The following CLSTN2 variants were observed in gnomAD, a reference collection of about 807,000 sequenced individuals.
CLSTN2 encodes calsyntenin-2.
In CLSTN2, 48 loss-of-function variants were observed where a neutral mutation model predicts 101.2. That is an observed-to-expected ratio of 0.47 (90% confidence interval 0.38 to 0.60). CLSTN2 has a LOEUF of 0.60. Ranked by LOEUF, CLSTN2 falls within the 20% of genes least tolerant of loss-of-function variation. The pLI, the probability that CLSTN2 is intolerant of heterozygous loss-of-function variation, is 0.00. For missense variants in CLSTN2, 1,160 were observed against 1,238.2 expected, an observed-to-expected ratio of 0.94 and a Z score of 0.95; for synonymous variants, 481 against 463.6, an observed-to-expected ratio of 1.04 and a Z score of -0.48.
chr3:140,337,459 A>G (rs979881932), intron 2 of CLSTN2, among the ~76,000 whole-genome samples: 2 of 152,136 alleles, frequency 1.3e-5, no homozygotes, highest in African/African-American at 2.4e-5. Context: ...CACCAGTTAT[A>G]TTGGAATAGG....
chr3:140,050,982 GAAC>G (rs2007979236), intron 1 of CLSTN2, among the ~76,000 whole-genome samples: 1 of 152,184 alleles, frequency 6.6e-6, no homozygotes, highest in African/African-American at 2.4e-5. Context: ...CACAGCTTTT[GAAC>G]AACAAAAGAA....
At chr3:140,524,066 G>C (rs921424797) in intron 8 of CLSTN2, among the ~76,000 whole-genome samples, 7 of 152,196 alleles carry the variant, frequency 4.6e-5, no homozygotes, top group Non-Finnish European at 8.8e-5. Context: ...TCAGAACTGT[G>C]CAGTAAAGGA....
intron 1 of CLSTN2, among the ~76,000 whole-genome samples, chr3:140,138,775 G>T (rs769348893): frequency 2.6e-5 from 4 of 152,184 alleles, no homozygotes; most frequent in Admixed American, 6.5e-5. Context: ...AAAAGAGGGA[G>T]AAATGTACAA....
At chr3:140,030,232 T>C (rs1031380255) in intron 1 of CLSTN2, among the ~76,000 whole-genome samples, 5 of 152,126 alleles carry the variant, frequency 3.3e-5, no homozygotes, top group Non-Finnish European at 7.3e-5. Flanking sequence ...ACAACATCCT[T>C]TGCAATCCTG....
rs1171027410 is a variant in CLSTN2, at chr3:140,567,332, T to C, written c.*1079T>C. The C allele has an allele frequency of 6.6e-6, 1 of 152,196 alleles. No individual in the cohort carries two copies. The highest frequency in any genetic ancestry group is 2.4e-5 in the African/African-American group (1 of 41,440). The allele number at this position is 152,196 out of a possible 1,614,324, so 9.4% of individuals were successfully genotyped here. A position where few individuals can be genotyped will look rare whatever the true frequency, so the allele number is the denominator to read the frequency against. On this transcript the variant is annotated 3_prime_UTR_variant, in exon 17 of 17. Transcript: ENST00000458420. ...AGAAAATACACGCTTTCTGCATGTA[T>C]TAGAAACGCACGAGCTCCACCAAGT...
At chr3:140,117,696 T>A (rs1208039887) in intron 1 of CLSTN2, among the ~76,000 whole-genome samples, 1 of 152,174 alleles carries the variant, frequency 6.6e-6, no homozygotes, top group Non-Finnish European at 1.5e-5. Flanking sequence ...TCCAGGAACT[T>A]TCATAGCCAC....
At chr3:140,046,900 C>T (rs2007892897) in intron 1 of CLSTN2, among the ~76,000 whole-genome samples, 1 of 152,118 alleles carries the variant, frequency 6.6e-6, no homozygotes, top group Non-Finnish European at 1.5e-5. Flanking sequence ...TTTCTGCATC[C>T]CTGCCACTTT....
At chr3:140,189,835 T>G (rs1377119831) in intron 2 of CLSTN2, among the ~76,000 whole-genome samples, 1 of 152,130 alleles carries the variant, frequency 6.6e-6, no homozygotes, top group Non-Finnish European at 1.5e-5. Flanking sequence ...AATTGCACCT[T>G]GGTCAAAAAT....
At chr3:140,290,454 C>G (rs1002329866) in intron 2 of CLSTN2, among the ~76,000 whole-genome samples, 3 of 152,088 alleles carry the variant, frequency 2.0e-5, no homozygotes, top group Admixed American at 2.0e-4. Flanking sequence ...CAATGCATGC[C>G]TCTTAGATGG....
chr3:140,456,766 G>C (rs928995169), intron 6 of CLSTN2, among the ~76,000 whole-genome samples: 2 of 151,760 alleles, frequency 1.3e-5, no homozygotes. Flanking sequence ...TAGCCTGGGC[G>C]AGAGCAAGAG....
At chr3:140,206,201 C>A (rs1029795194) in intron 2 of CLSTN2, among the ~76,000 whole-genome samples, 3 of 152,192 alleles carry the variant, frequency 2.0e-5, no homozygotes, top group African/African-American at 7.2e-5. Flanking sequence ...TTATCTGGCA[C>A]TGGAGTCAAG....
intron 8 of CLSTN2, among the ~76,000 whole-genome samples, chr3:140,493,248 A>G (rs1052255236): frequency 3.3e-5 from 5 of 152,146 alleles, no homozygotes; most frequent in Non-Finnish European, 7.4e-5. Flanking sequence ...GTGATTTGCC[A>G]TTTAGAGGTT....
intron 2 of CLSTN2, among the ~76,000 whole-genome samples, chr3:140,271,072 G>T (rs545723738): frequency 6.6e-6 from 1 of 152,220 alleles, no homozygotes; most frequent in East Asian, 1.9e-4. Flanking sequence ...CCTTCCCGGG[G>T]AGCCACATAA....
chr3:139,937,020 G>A (rs1935033699), intron 1 of CLSTN2, among the ~76,000 whole-genome samples: 1 of 111,152 alleles, frequency 9.0e-6, no homozygotes, highest in South Asian at 2.9e-4. Flanking sequence ...GTGAAGACAA[G>A]AATAAAAAAC....
chr3:140,291,891 C>T (rs1691185016), intron 2 of CLSTN2, among the ~76,000 whole-genome samples: 1 of 152,006 alleles, frequency 6.6e-6, no homozygotes, highest in Admixed American at 6.6e-5. Context: ...CGCTTGAAAA[C>T]TTGTCTCAAA....
At chr3:140,354,568 C>T (rs75975225) in intron 2 of CLSTN2, among the ~76,000 whole-genome samples, 2,728 of 152,236 alleles carry the variant, frequency 0.018, 72 homozygotes, top group African/African-American at 0.062. Context: ...TCCCCAACTC[C>T]CCTCCATAGG....
At chr3:140,335,046 C>T (rs553802386) in intron 2 of CLSTN2, among the ~76,000 whole-genome samples, 81 of 152,302 alleles carry the variant, frequency 5.3e-4, no homozygotes, top group African/African-American at 1.8e-3. Flanking sequence ...TTTAAGGGAG[C>T]GACTGGATCC....
At position 140,571,378 on chromosome 3, in the gene CLSTN2, CA is replaced by C. The variant is rs1218340243; in HGVS notation, c.*5126del. The C allele has an allele frequency of 6.6e-6, 1 of 152,118 alleles. No individual in the cohort carries two copies. 9.4% of individuals were successfully genotyped at this position (152,118 alleles called of 1,614,324 possible). ...ACAACTTTTTTTTTAATCATCCCCA[CA>C]TTTAAATTAACCAAATAGTTTTTAC... On this transcript the variant is annotated 3_prime_UTR_variant, in exon 17 of 17. Transcript: ENST00000458420.
Position 140,175,984 on chromosome 3 carries a change from A to G in CLSTN2, c.143A>G (p.Tyr48Cys). 1 of 1,612,796 alleles carries G rather than the reference A, an allele frequency of 6.2e-7. No homozygotes were observed. The highest frequency in any genetic ancestry group is 8.5e-7 in the Non-Finnish European group (1 of 1,178,914). Residue 48 changes from tyrosine to cysteine, a missense_variant, in exon 2 of 17, where the codon TAT (tyrosine) becomes TGT (cysteine). Transcript: ENST00000458420. ...NKHKPWIETSYHGVITENNDT... is the reference protein window; with the variant it reads ...NKHKPWIETSCHGVITENNDT... ...CACAAGCCATGGATCGAGACTTCATATCATGGAGTCATAACTGAGAACAAT... is the reference window on the plus strand; with the variant it reads ...CACAAGCCATGGATCGAGACTTCATGTCATGGAGTCATAACTGAGAACAAT...
Sources: gnomAD v4.1 joint callset for allele counts (sites outside exome capture counted in the v4.1 genomes callset) on GRCh38, gnomAD v4.1.1 for gene constraint, MANE v1.5 for transcripts, NCBI Gene and HGNC (gene_info 2026-07-23, HGNC 2026-07-21) for gene names.